The following SLFN12L variants were observed in gnomAD, a reference collection of about 807,000 sequenced individuals.
SLFN12L encodes the protein schlafen family member 12 like.
A neutral mutation model predicts 34.8 loss-of-function variants in SLFN12L; 34 were observed. The ratio of observed to expected loss-of-function variants is 0.98; its 90% confidence interval spans 0.74 to 1.30. The LOEUF (loss-of-function observed/expected upper bound fraction) is 1.30. SLFN12L is among the 50% of genes most tolerant of loss of function. The pLI, the probability that SLFN12L is intolerant of heterozygous loss-of-function variation, is 0.00. For missense variants in SLFN12L, 703 were observed against 696.2 expected (o/e 1.01, Z -0.11); for synonymous variants, 259 against 247.5 (o/e 1.05, Z -0.44).
chr17:35,536,606 G>GT (rs2072463435), intron 1 of SLFN12L, among the ~76,000 whole-genome samples: 1 of 152,126 alleles, frequency 6.6e-6, no homozygotes, highest in Non-Finnish European at 1.5e-5. Context: ...GAGCCCAGGA[G>GT]TTTGAGACCA....
At chr17:35,487,137 C>T (rs867079139) in intron 2 of SLFN12L, among the ~76,000 whole-genome samples, 1 of 152,230 alleles carries the variant, frequency 6.6e-6, no homozygotes, top group Non-Finnish European at 1.5e-5. Flanking sequence ...GGTGGGCAAC[C>T]CCCATCCGAT....
rs762406905 is a variant in SLFN12L at position 35,479,607 on chromosome 17, A to G, written c.675T>C (p.Asp225=). 5 of 1,612,312 alleles carry G rather than the reference A, an allele frequency of 3.1e-6. No homozygotes were observed. The African/African-American group carries it at 5.3e-5, about 17-fold the overall frequency. ...AACCAAGTTCTGTTCTGTTAAAAAA[A>G]TCAGCAGCCAAGGCTTCCATGTTAC... ...EESNMEALAA[D]FFNRTELGYK... Residue 225 remains aspartate, a synonymous_variant, in exon 3 of 5, where the codon GAT becomes GAC. Transcript: ENST00000628453.
chr17:35,479,277 A>G lies in SLFN12L; in HGVS notation c.1005T>C (p.Tyr335=), dbSNP rs2142128415. The G allele has an allele frequency of 6.3e-7, 1 of 1,591,462 alleles. No individual in the cohort carries two copies. The part of the protein sequence containing the change: ...INYLCKFLGV[Y]DKGRLCGYVY... ...CATATCCACAAAGCCTTCCTTTATC[A>G]TATACTCCAAGGAATTTGCATAAGT... Residue 335 remains tyrosine (Y), a synonymous_variant, in exon 3 of 5, where the codon TAT becomes TAC. Transcript: ENST00000628453.
chr17:35,478,293 C>T (rs1914128609), intron 3 of SLFN12L, 108 bp from the exon 4 acceptor site: 3 of 660,582 alleles, frequency 4.5e-6, no homozygotes, highest in African/African-American at 1.9e-5. Flanking sequence ...ACTGATCCTG[C>T]ATTCCCAATA....
At position 35,507,877 on chromosome 17, in the gene SLFN12L, A is replaced by G. The variant is rs1915514954; in HGVS notation, c.86+14402T>C. Among the ~76,000 whole-genome samples the G allele has an allele frequency of 2.6e-5, 4 of 152,310 alleles. No individual in the cohort carries two copies. In the South Asian group the frequency reaches 6.2e-4, roughly 24 times the overall value. Reference sequence around the variant, plus strand: ...AGTGAGAATGAAAGTGAGAACTCCCACTAATGAGTGAGATTCTCAAAGAGG... The same window carrying G: ...AGTGAGAATGAAAGTGAGAACTCCCGCTAATGAGTGAGATTCTCAAAGAGG... On this transcript the variant is annotated intron_variant, in intron 2 of 4. Transcript: ENST00000628453.
chr17:35,535,951 C>T (rs1417947917), intron 1 of SLFN12L, among the ~76,000 whole-genome samples: 7 of 144,468 alleles, frequency 4.8e-5, no homozygotes, highest in African/African-American at 1.5e-4. Context: ...CCACCACACC[C>T]GGCCCTGGCT....
intron 2 of SLFN12L, among the ~76,000 whole-genome samples, chr17:35,502,838 A>AG (rs900105155): frequency 3.9e-5 from 6 of 152,200 alleles, no homozygotes; most frequent in African/African-American, 9.6e-5. Context: ...CAGGAAAAAA[A>AG]GGGGGGCAGA....
chr17:35,482,082 G>A (rs1225386302), intron 2 of SLFN12L, among the ~76,000 whole-genome samples: 3 of 152,164 alleles, frequency 2.0e-5, no homozygotes, highest in Non-Finnish European at 2.9e-5. Context: ...GGCTGGTCTC[G>A]ATGATGATCC....
rs1384251773 is a variant in SLFN12L, at chr17:35,479,385, A to C, written c.897T>G (p.Leu299=). The C allele has an allele frequency of 6.2e-7, 1 of 1,607,728 alleles. No individual in the cohort carries two copies. Among genetic ancestry groups the C allele is most frequent in the South Asian group, 1.1e-5 (1 of 90,390 alleles). ...VIGFKAEKSY[L]TKLEEVTKNS... Reference sequence around the variant, plus strand: ...TTTTTGTTACTTCTTCTAACTTAGTAAGATAACTCTTCTCTGCTTTAAAGC... The same window carrying C: ...TTTTTGTTACTTCTTCTAACTTAGTCAGATAACTCTTCTCTGCTTTAAAGC... Residue 299 remains leucine, a synonymous_variant, in exon 3 of 5, where the codon CTT becomes CTG. Coordinates refer to ENST00000628453, the MANE Select transcript of SLFN12L (RefSeq NM_001363830.2).
At chr17:35,490,077 C>G in intron 2 of SLFN12L, 2 of 1,606,894 alleles carry the variant, frequency 1.2e-6, no homozygotes, top group Non-Finnish European at 1.7e-6. Context: ...GCCGTAGCCA[C>G]CGGCCCCCTC....
At chr17:35,527,882 G>A (rs1392391585) in intron 1 of SLFN12L, among the ~76,000 whole-genome samples, 1 of 152,098 alleles carries the variant, frequency 6.6e-6, no homozygotes, top group South Asian at 2.1e-4. Context: ...GAAATAAAGG[G>A]TATTCAAGTA....
intron 2 of SLFN12L, among the ~76,000 whole-genome samples, chr17:35,509,380 G>A (rs938385165): frequency 2.6e-5 from 4 of 152,142 alleles, no homozygotes; most frequent in East Asian, 1.9e-4. Context: ...GCAGATGCTC[G>A]CCAGCCTCTG....
chr17:35,530,424 AG>A, intron 1 of SLFN12L, among the ~76,000 whole-genome samples: 1 of 6,702 alleles, frequency 1.5e-4, no homozygotes, highest in Non-Finnish European at 4.2e-4. Context: ...GAAGGAAGGA[AG>A]GAAGGGAAGG....
In SLFN12L at chr17:35,494,889, T is replaced by TTTTATTTA. The variant is rs3087173; in HGVS notation, c.87-14702_87-14695dup. On this transcript the variant is annotated intron_variant, in intron 2 of 4. Coordinates refer to ENST00000628453, the MANE Select transcript of SLFN12L (RefSeq NM_001363830.2). ...TGCGTTAATTTTATTAATTTATTTA[T>TTTTATTTA]TTTATTTATTTATTTATTTATTTAT... Among the ~76,000 whole-genome samples, 1,321 of 146,924 alleles carry TTTTATTTA rather than the reference T, an allele frequency of 9.0e-3. 14 individuals are homozygous for TTTTATTTA. The highest frequency in any genetic ancestry group is 0.025 in the African/African-American group (997 of 39,632).
chr17:35,515,363 A>T (rs939797502), intron 2 of SLFN12L, among the ~76,000 whole-genome samples: 1 of 152,192 alleles, frequency 6.6e-6, no homozygotes, highest in East Asian at 1.9e-4. Flanking sequence ...TATTTGTGCA[A>T]GTTTGAGAGA....
chr17:35,468,956 T>TA lies in SLFN12L; in HGVS notation c.*5966dup, dbSNP rs200382312. Among the ~76,000 whole-genome samples the TA allele has an allele frequency of 0.016, 2,398 of 152,170 alleles. 28 individuals are homozygous for TA. Among genetic ancestry groups the TA allele is most frequent in the Middle Eastern group, 0.031 (9 of 294 alleles). ...TCTTGATGTCGGGAGGTCAAGGCTGTAATGAGCTATGACCACACCACTGCA... is the reference window on the plus strand; with the variant it reads ...TCTTGATGTCGGGAGGTCAAGGCTGTAAATGAGCTATGACCACACCACTGCA... On this transcript the variant is annotated 3_prime_UTR_variant, in exon 5 of 5. Transcript: ENST00000628453.
intron 2 of SLFN12L, among the ~76,000 whole-genome samples, chr17:35,521,958 C>T (rs1214392212): frequency 2.0e-5 from 3 of 151,902 alleles, no homozygotes; most frequent in Non-Finnish European, 2.9e-5. Context: ...TCACACACAC[C>T]GGGGCCTGTT....
In SLFN12L at chr17:35,465,755, C is replaced by A. The variant is rs762021846; in HGVS notation, c.*9168G>T. On this transcript the variant is annotated 3_prime_UTR_variant, in exon 5 of 5. Transcript: ENST00000628453. ...GGTCTTGTCGACTAGGGCCTCATAGCCAGTATCTAGTATGATTAACATTAT... is the reference window on the plus strand; with the variant it reads ...GGTCTTGTCGACTAGGGCCTCATAGACAGTATCTAGTATGATTAACATTAT... Among the ~76,000 whole-genome samples, 6 of 148,378 alleles carry A rather than the reference C, an allele frequency of 4.0e-5. No homozygotes were observed. The highest frequency in any genetic ancestry group is 7.4e-5 in the Non-Finnish European group (5 of 67,332).
Position 35,465,593 on chromosome 17 carries a change from T to C in SLFN12L, c.*9330A>G, listed in dbSNP as rs760859967. Among the ~76,000 whole-genome samples the C allele has an allele frequency of 6.6e-6, 1 of 151,906 alleles. No individual in the cohort carries two copies. The highest frequency in any genetic ancestry group is 1.5e-5 in the Non-Finnish European group (1 of 68,008). On this transcript the variant is annotated 3_prime_UTR_variant, in exon 5 of 5. Transcript: ENST00000628453. ...AAGTTGTTACATAAAACCTCATTTA[T>C]ATAACATAAAAGGGATAAAGGAGAT...
Sources: allele counts gnomAD v4.1 joint callset (sites outside exome capture counted in the v4.1 genomes callset), GRCh38; gene constraint gnomAD v4.1.1; transcripts MANE v1.5; gene names NCBI Gene and HGNC (gene_info 2026-07-23, HGNC 2026-07-21).